The following NCOA7 variants were observed in gnomAD, a reference collection of about 807,000 sequenced individuals.
NCOA7 encodes 140 kDa estrogen receptor-associated protein.
A neutral mutation model predicts 104.3 loss-of-function variants in NCOA7; 45 were observed. That is an observed-to-expected ratio of 0.43 (90% CI 0.34 to 0.55). NCOA7 has a LOEUF of 0.55. Ranked by LOEUF, NCOA7 falls within the 20% of genes least tolerant of loss-of-function variation. NCOA7 has a pLI of 0.02. For synonymous variants in NCOA7, 398 were observed against 402.3 expected (o/e 0.99, Z 0.13); for missense variants, 1,041 against 1,119.7 (o/e 0.93, Z 1.00).
chr6:125,921,063 G>A lies in NCOA7; in HGVS notation c.2365G>A (p.Glu789Lys), dbSNP rs752636470. The A allele has an allele frequency of 3.1e-6, 5 of 1,612,734 alleles. No homozygotes were observed. The South Asian group carries it at 3.3e-5, about 11-fold the overall frequency. The change falls in exon 12 of 16, where the codon GAG becomes AAG. Residue 789 changes from glutamate to lysine, a missense_variant. Glu to Lys is a moderately conservative substitution (Grantham distance 56). This residue lies in a region of NCOA7 where 914 missense variants were observed against 942.7 expected (regional missense o/e 0.97). Coordinates refer to ENST00000392477, the MANE Select transcript of NCOA7 (RefSeq NM_181782.5). ...CGCGCTCCTGGAGAATATGCACATC[G>A]AGCAGGTGGGCTCGCCCTGGCCACC... ...HSALLENMHI[E>K]QLARRLPARV... is the part of the protein sequence containing the mutation.
chr6:125,873,249 G>A (rs1744997233), intron 3 of NCOA7, among the ~76,000 whole-genome samples: 1 of 152,072 alleles, frequency 6.6e-6, no homozygotes, highest in South Asian at 2.1e-4. Flanking sequence ...TCCAAGCCGG[G>A]CTTCTTGTCA....
chr6:125,854,622 C>T (rs553883824), intron 2 of NCOA7, among the ~76,000 whole-genome samples: 38 of 152,276 alleles, frequency 2.5e-4, no homozygotes, highest in Non-Finnish European at 4.0e-4. Context: ...GCCCATCAGT[C>T]AAAAGTACCA....
At chr6:125,833,666 G>A (rs985545860) in intron 2 of NCOA7, among the ~76,000 whole-genome samples, 4 of 152,156 alleles carry the variant, frequency 2.6e-5, no homozygotes, top group Admixed American at 2.6e-4. Flanking sequence ...GTGGTGGCAA[G>A]GGGTGCTTTG....
intron 4 of NCOA7, among the ~76,000 whole-genome samples, chr6:125,877,715 T>C (rs537739341): frequency 6.6e-6 from 1 of 152,360 alleles, no homozygotes; most frequent in South Asian, 2.1e-4. Context: ...TATTGGTAGC[T>C]AATCTGAATT....
intron 3 of NCOA7, among the ~76,000 whole-genome samples, chr6:125,870,220 T>C (rs1010505253): frequency 4.6e-5 from 7 of 152,350 alleles, no homozygotes; most frequent in African/African-American, 1.7e-4. Flanking sequence ...ATCTCATTAC[T>C]CTTACTCCCT....
At chr6:125,877,678 A>C (rs1783493396) in intron 4 of NCOA7, among the ~76,000 whole-genome samples, 1 of 152,180 alleles carries the variant, frequency 6.6e-6, no homozygotes, top group South Asian at 2.1e-4. Flanking sequence ...ACCATAGAAA[A>C]GTGTGGTTTT....
chr6:125,918,264 T>C (rs1787249521), intron 11 of NCOA7, among the ~76,000 whole-genome samples: 1 of 152,218 alleles, frequency 6.6e-6, no homozygotes, highest in African/African-American at 2.4e-5. Flanking sequence ...TTTATGTCTC[T>C]GTGCCTGGCA....
intron 2 of NCOA7, among the ~76,000 whole-genome samples, chr6:125,845,558 G>A (rs111244337): frequency 3.3e-5 from 5 of 152,202 alleles, no homozygotes; most frequent in South Asian, 2.1e-4. Context: ...GGCAGATCAC[G>A]AGCTCAGGAA....
Position 125,920,940 on chromosome 6 carries a change from C to A in NCOA7, c.2245-3C>A, listed in dbSNP as rs2128696488. ...TTTTTCTTGGCTTGTTTTCTCATTT[C>A]AGATCATCACTGTTGAAGAGGCAAA... is the stretch of plus-strand genomic sequence containing the variant. On this transcript the variant is annotated splice_polypyrimidine_tract_variant and splice_region_variant and intron_variant, in intron 11 of 15. Coordinates refer to ENST00000392477, the MANE Select transcript of NCOA7 (RefSeq NM_181782.5). The A allele has an allele frequency of 6.2e-7, 1 of 1,612,282 alleles. No homozygotes were observed. The highest frequency in any genetic ancestry group is 1.1e-5 in the South Asian group (1 of 91,014).
intron 2 of NCOA7, among the ~76,000 whole-genome samples, chr6:125,846,892 A>C (rs1438327544): frequency 6.6e-6 from 1 of 152,186 alleles, no homozygotes; most frequent in East Asian, 1.9e-4. Flanking sequence ...ATAGGCTAAT[A>C]TTTGTGAAGT....
chr6:125,807,166 A>G (rs1369291168), intron 1 of NCOA7, among the ~76,000 whole-genome samples: 1 of 152,204 alleles, frequency 6.6e-6, no homozygotes, highest in Non-Finnish European at 1.5e-5. Context: ...AGATCTGTCT[A>G]TCAAGCCTAA....
At chr6:125,880,676 G>A (rs978664898) in intron 5 of NCOA7, among the ~76,000 whole-genome samples, 12 of 151,920 alleles carry the variant, frequency 7.9e-5, no homozygotes, top group Admixed American at 1.3e-4. Context: ...CTACAGGTGC[G>A]AGCCACCATG....
At chr6:125,816,625 G>A (rs1355609060) in intron 2 of NCOA7, among the ~76,000 whole-genome samples, 1 of 152,176 alleles carries the variant, frequency 6.6e-6, no homozygotes, top group East Asian at 1.9e-4. Context: ...CAGAAAGATA[G>A]GATATTTAGA....
chr6:125,829,172 A>T (rs932502879), intron 2 of NCOA7, among the ~76,000 whole-genome samples: 2 of 152,092 alleles, frequency 1.3e-5, no homozygotes, highest in Non-Finnish European at 2.9e-5. Context: ...TCCATAAAAA[A>T]TTTTTATAAC....
chr6:125,846,903 A>G (rs1252522371), intron 2 of NCOA7, among the ~76,000 whole-genome samples: 1 of 152,236 alleles, frequency 6.6e-6, no homozygotes, highest in Non-Finnish European at 1.5e-5. Flanking sequence ...TTTGTGAAGT[A>G]CATAGCATGG....
upstream of NCOA7, among the ~76,000 whole-genome samples, chr6:125,789,907 GT>G (rs1774672970): frequency 6.6e-6 from 1 of 152,224 alleles, no homozygotes; most frequent in African/African-American, 2.4e-5. Context: ...GCGTATAAGA[GT>G]GAATGAACTC....
In NCOA7 at chr6:125,908,077, CA is replaced by C. The variant is rs199691666; in HGVS notation, c.2097-7253del. Among the ~76,000 whole-genome samples the C allele has an allele frequency of 7.2e-5, 11 of 152,304 alleles. No individual in the cohort carries two copies. The East Asian group carries it at 2.1e-3, about 29-fold the overall frequency. On this transcript the variant is annotated intron_variant, in intron 10 of 15. Coordinates refer to ENST00000392477, the MANE Select transcript of NCOA7 (RefSeq NM_181782.5). Reference sequence around the variant, plus strand: ...CAAAATAGTCCACTCTGGGAACAAGCAAACCCAGAGCCTAGATTTACTACTC... The same window carrying C: ...CAAAATAGTCCACTCTGGGAACAAGCAACCCAGAGCCTAGATTTACTACTC...
intron 12 of NCOA7, among the ~76,000 whole-genome samples, chr6:125,921,415 A>C (rs1358613673): frequency 1.3e-5 from 2 of 152,086 alleles, no homozygotes; most frequent in Non-Finnish European, 2.9e-5. Context: ...GTCTCAAAAA[A>C]AAAAAAAATT....
At chr6:125,890,012 T>G in intron 9 of NCOA7, 31 bp downstream of exon 9, 1 of 1,450,298 alleles carries the variant, frequency 6.9e-7, no homozygotes, top group Admixed American at 2.5e-5. Context: ...GCCTTTATAT[T>G]CTGTTGCATA....
Sources: gnomAD v4.1 joint callset for allele counts (sites outside exome capture counted in the v4.1 genomes callset) on GRCh38, gnomAD v4.1.1 for gene constraint, gnomAD v4.1.1 regional missense constraint, MANE v1.5 for transcripts, NCBI Gene and HGNC (gene_info 2026-07-23, HGNC 2026-07-21) for gene names.